PARD3B: variants seen among roughly 807,000 people sequenced by gnomAD.
PARD3B encodes the protein par-3 family cell polarity regulator beta, also known as partitioning defective 3 homolog B.
PARD3B carries 103 observed loss-of-function variants against 130.2 expected under a neutral mutation model. The observed-to-expected ratio is 0.79, with a 90% CI of 0.67 to 0.93. The LOEUF is 0.93. PARD3B is among the 40% of genes least tolerant of loss of function. The probability of loss-of-function intolerance (pLI) is 0.00; values close to 1 mark genes in which losing one functional copy is unlikely to be tolerated. For missense variants in PARD3B, 1,609 were observed against 1,499.2 expected, an observed-to-expected ratio of 1.07 and a Z score of -1.21; for synonymous variants, 583 against 553.2, an observed-to-expected ratio of 1.05 and a Z score of -0.76.
chr2:205,549,963 A>G (rs1347863738), intron 21 of PARD3B, among the ~76,000 whole-genome samples: 1 of 152,190 alleles, frequency 6.6e-6, no homozygotes, highest in Non-Finnish European at 1.5e-5. Context: ...CTTTTTAAAA[A>G]TTGCAGTGGT....
chr2:205,366,885 G>A lies in PARD3B; in HGVS notation c.2631-34128G>A, dbSNP rs1242880152. On this transcript the variant is annotated intron_variant, in intron 18 of 22. Transcript: ENST00000406610. This position sits in a 1 kb window ranked among gnomAD's most constrained non-coding sequence, Gnocchi z 5.0. ...CAGCAATAACTGGGCCTAGCTTTTA[G>A]TTGCTGCCACAGATGTCCTAAGGGA... 6.6e-6 allele frequency among the ~76,000 whole-genome samples: 1 copy of A among 152,222 alleles called. No homozygotes were observed.
intron 10 of PARD3B, among the ~76,000 whole-genome samples, chr2:205,139,176 ATT>A (rs113022094): frequency 1.4e-5 from 2 of 147,452 alleles, no homozygotes; most frequent in East Asian, 2.0e-4. Flanking sequence ...ATTTATCAGT[ATT>A]TTTTTTTTTT....
intron 10 of PARD3B, among the ~76,000 whole-genome samples, chr2:205,137,072 G>A (rs560245453): frequency 6.6e-6 from 1 of 152,166 alleles, no homozygotes; most frequent in Non-Finnish European, 1.5e-5. Flanking sequence ...TAAGAATATA[G>A]CATGGTACCT....
At chr2:204,749,097 A>AC (rs941196679) in intron 2 of PARD3B, among the ~76,000 whole-genome samples, 72 of 152,038 alleles carry the variant, frequency 4.7e-4, no homozygotes, top group African/African-American at 1.7e-3. Flanking sequence ...TCCCCCTAAC[A>AC]CCCCCAAACT....
At chr2:205,076,823 T>C (rs983533872) in intron 4 of PARD3B, among the ~76,000 whole-genome samples, 4 of 152,256 alleles carry the variant, frequency 2.6e-5, no homozygotes, top group East Asian at 1.9e-4. Flanking sequence ...GCCAAAAAGA[T>C]TGGGGACCAC....
chr2:205,248,072 G>A (rs1216049782), intron 16 of PARD3B, among the ~76,000 whole-genome samples: 1 of 152,050 alleles, frequency 6.6e-6, no homozygotes, highest in Non-Finnish European at 1.5e-5. Context: ...GGGACTACAT[G>A]TGCATGCCAC....
At chr2:205,003,619 C>G (rs1477806219) in intron 3 of PARD3B, among the ~76,000 whole-genome samples, 1 of 152,162 alleles carries the variant, frequency 6.6e-6, no homozygotes, top group Non-Finnish European at 1.5e-5. Flanking sequence ...TTGTGTTTTT[C>G]CATAGCACGT....
At chr2:204,653,447 C>T (rs945573384) in intron 1 of PARD3B, among the ~76,000 whole-genome samples, 7 of 150,938 alleles carry the variant, frequency 4.6e-5, no homozygotes, top group African/African-American at 7.4e-5. Flanking sequence ...CATCCAGACT[C>T]TTAGCATAAC....
intron 2 of PARD3B, among the ~76,000 whole-genome samples, chr2:204,929,859 G>C (rs1388450741): frequency 6.6e-6 from 1 of 151,814 alleles, no homozygotes; most frequent in Non-Finnish European, 1.5e-5. Context: ...GAATCCAACT[G>C]TATTTCTATT....
rs35082767 is a variant in PARD3B, at chr2:205,451,688, GTATATA to G, written c.3044+11032_3044+11037del. On this transcript the variant is annotated intron_variant, in intron 20 of 22. Coordinates refer to ENST00000406610, the MANE Select transcript of PARD3B (RefSeq NM_001302769.2). The stretch of plus-strand genomic sequence containing the variant: ...TTTAATTTTTGTGATTATGTAATAG[GTATATA>G]TATATATATATATATGTATTTATGG... Among the ~76,000 whole-genome samples the G allele has an allele frequency of 1.9e-3, 273 of 143,774 alleles. 1 individual carries two copies. The highest frequency in any genetic ancestry group is 6.4e-3 in the African/African-American group (254 of 39,770). The allele number at this position is 143,774 out of a possible 152,430, so 94.3% of individuals were successfully genotyped here.
intron 21 of PARD3B, among the ~76,000 whole-genome samples, chr2:205,539,842 CG>C: frequency 6.6e-6 from 1 of 152,030 alleles, no homozygotes. Context: ...CAGCCAAGTA[CG>C]GTTAGATGTG....
At chr2:204,849,263 A>G (rs574543247) in intron 2 of PARD3B, among the ~76,000 whole-genome samples, 2 of 152,230 alleles carry the variant, frequency 1.3e-5, no homozygotes, top group African/African-American at 2.4e-5. Context: ...CATACAGGAC[A>G]TACAGAATCT....
chr2:204,775,152 CAGGGGTTAAA>C (rs2041564902), intron 2 of PARD3B, among the ~76,000 whole-genome samples: 1 of 151,930 alleles, frequency 6.6e-6, no homozygotes, highest in Non-Finnish European at 1.5e-5. Context: ...CTTAAAAATC[CAGGGGTTAAA>C]GTAACTTTGT....
chr2:205,229,923 C>T lies in PARD3B; in HGVS notation c.2141-15855C>T, dbSNP rs1236388692. Among the ~76,000 whole-genome samples, 1 of 151,970 alleles carries T rather than the reference C, an allele frequency of 6.6e-6. No homozygotes were observed. Among genetic ancestry groups the T allele is most frequent in the Non-Finnish European group, 1.5e-5 (1 of 68,018 alleles). ...GCAGAGGACTCTCTCCCCACAGCCA[C>T]CACCACCACGTCCATGGCAAGTACT... On this transcript the variant is annotated intron_variant, in intron 15 of 22. Coordinates refer to ENST00000406610, the MANE Select transcript of PARD3B (RefSeq NM_001302769.2). The surrounding 1 kb of genome is among the most constrained non-coding windows in gnomAD (Gnocchi z 5.2).
intron 2 of PARD3B, among the ~76,000 whole-genome samples, chr2:204,888,669 T>C (rs1283821908): frequency 1.3e-5 from 2 of 148,216 alleles, no homozygotes; most frequent in African/African-American, 2.5e-5. Context: ...AGGTCAAGGC[T>C]GCTAGTAACC....
chr2:205,232,351 C>T, intron 15 of PARD3B, among the ~76,000 whole-genome samples: 1 of 152,092 alleles, frequency 6.6e-6, no homozygotes, highest in East Asian at 1.9e-4. Flanking sequence ...ACTTGGGAGG[C>T]TTGAGGCCAG....
At chr2:204,743,844 G>A (rs903161386) in intron 2 of PARD3B, among the ~76,000 whole-genome samples, 1 of 152,086 alleles carries the variant, frequency 6.6e-6, no homozygotes, top group Admixed American at 6.6e-5. Flanking sequence ...TGACATTTCA[G>A]AAGGGAAGTG....
intron 3 of PARD3B, among the ~76,000 whole-genome samples, chr2:205,004,303 G>A (rs1695080257): frequency 6.6e-6 from 1 of 152,176 alleles, no homozygotes; most frequent in Non-Finnish European, 1.5e-5. Context: ...TCTAGCCTGT[G>A]CTCCTGCTTC....
At chr2:204,619,372 A>G (rs2034218443) in intron 1 of PARD3B, among the ~76,000 whole-genome samples, 1 of 152,188 alleles carries the variant, frequency 6.6e-6, no homozygotes. Flanking sequence ...GTTCTTTCCC[A>G]GTTCACTCAT....
Sources: allele counts gnomAD v4.1 joint callset (sites outside exome capture counted in the v4.1 genomes callset), GRCh38; gene constraint gnomAD v4.1.1; non-coding constraint Gnocchi (gnomAD v3.1); transcripts MANE v1.5; gene names NCBI Gene and HGNC (gene_info 2026-07-23, HGNC 2026-07-21).